The following FANCA variants were observed in gnomAD, a reference collection of about 807,000 sequenced individuals.
FANCA encodes the protein FA complementation group A.
Under a neutral mutation model 194.3 loss-of-function variants are expected in FANCA, and 236 were observed. That is an observed-to-expected ratio of 1.21 (90% CI 1.09 to 1.35). The LOEUF is 1.35. Ranked by LOEUF, FANCA falls within the 40% of genes most tolerant of loss-of-function variation. FANCA has a pLI of 0.00. For synonymous variants in FANCA, 1,014 were observed against 715.8 expected, an observed-to-expected ratio of 1.42 and a Z score of -6.65; for missense variants, 2,628 against 1,813.9, an observed-to-expected ratio of 1.45 and a Z score of -8.15.
At chr16:89,785,908 G>A (rs1405614126) in intron 14 of FANCA, among the ~76,000 whole-genome samples, 1 of 146,606 alleles carries the variant, frequency 6.8e-6, no homozygotes, top group Non-Finnish European at 1.5e-5. Context: ...AGGCTGGAGT[G>A]CAGTGGTGCC....
At chr16:89,763,177 G>A (rs1163863259) in intron 28 of FANCA, among the ~76,000 whole-genome samples, 1 of 151,938 alleles carries the variant, frequency 6.6e-6, no homozygotes, top group East Asian at 1.9e-4. Context: ...AACCCAGAAG[G>A]CTGAGGTTGC....
chr16:89,796,978 G>A (rs1277677234), intron 10 of FANCA, among the ~76,000 whole-genome samples: 1 of 151,170 alleles, frequency 6.6e-6, no homozygotes. Flanking sequence ...CCAACCCAAC[G>A]AAACCCCATC....
intron 6 of FANCA, 152 bp from the exon 7 acceptor site, chr16:89,805,544 G>T (rs1598177755): frequency 1.5e-6 from 1 of 651,222 alleles, no homozygotes; most frequent in Non-Finnish European, 2.9e-6. Context: ...CTGCACCCTC[G>T]ACCTCCCAGG....
chr16:89,807,616 G>A (rs940057057), intron 6 of FANCA, among the ~76,000 whole-genome samples: 2 of 152,166 alleles, frequency 1.3e-5, no homozygotes, highest in African/African-American at 2.4e-5. Flanking sequence ...CAGGCACAGT[G>A]GTTCATGCCT....
At chr16:89,814,399 A>C in intron 3 of FANCA, 121 bp downstream of exon 3, 2 of 706,350 alleles carry the variant, frequency 2.8e-6, no homozygotes, top group Non-Finnish European at 4.7e-6. Context: ...TTGCGACTAC[A>C]CACACCAGTG....
chr16:89,765,517 G>A (rs989582497), intron 27 of FANCA, among the ~76,000 whole-genome samples: 1 of 152,264 alleles, frequency 6.6e-6, no homozygotes, highest in African/African-American at 2.4e-5. Context: ...TAAATGTCTG[G>A]AAGCAGAATT....
rs2062057880 is a variant in FANCA at position 89,739,244 on chromosome 16, G to A, written c.4056C>T (p.Ala1352=). 1.2e-6 allele frequency: 2 copies of A among 1,614,174 alleles called. No homozygotes were observed. Among genetic ancestry groups the A allele is most frequent in the Non-Finnish European group, 8.5e-7 (1 of 1,180,050 alleles). ...ACATGTCCACAGCAACATGCAGGAA[G>A]GCCTCTTCCCTGATGGCCGCGTCTT... The part of the protein sequence containing the change: ...FHEDAAIREE[A]FLHVAVDMYL... The change falls in exon 41 of 43, where the codon GCC becomes GCT. Residue 1352 remains alanine, a synonymous_variant. Transcript: ENST00000389301.
At chr16:89,742,993 A>G in intron 36 of FANCA, 55 bp from the exon 37 acceptor site, 1 of 1,588,152 alleles carries the variant, frequency 6.3e-7, no homozygotes, top group South Asian at 1.1e-5. Flanking sequence ...CAACCACGCC[A>G]TAGAAACCAA....
intron 11 of FANCA, 135 bp from the exon 12 acceptor site, chr16:89,792,682 A>G: frequency 1.4e-6 from 1 of 727,016 alleles, no homozygotes; most frequent in Non-Finnish European, 2.4e-6. Context: ...AGAAAGATAC[A>G]AGACAAAGAG....
chr16:89,792,555 G>T lies in FANCA; in HGVS notation c.1007-8C>A. 6.2e-7 allele frequency: 1 copy of T among 1,612,392 alleles called. No individual in the cohort carries two copies. Among genetic ancestry groups the T allele is most frequent in the Non-Finnish European group, 8.5e-7 (1 of 1,179,730 alleles). ...TCTGAACAGCATCAGATGCTGCAGGGGGAGAAACAGACAAAAACTTCAAGT... is the reference window on the plus strand; with the variant it reads ...TCTGAACAGCATCAGATGCTGCAGGTGGAGAAACAGACAAAAACTTCAAGT... On this transcript the variant is annotated splice_region_variant and splice_polypyrimidine_tract_variant and intron_variant, in intron 11 of 42. Coordinates refer to ENST00000389301, the MANE Select transcript of FANCA (RefSeq NM_000135.4).
At chr16:89,743,125 C>A (rs1360948332) in intron 36 of FANCA, among the ~76,000 whole-genome samples, 187 bp from the exon 37 acceptor site, 1 of 152,202 alleles carries the variant, frequency 6.6e-6, no homozygotes, top group African/African-American at 2.4e-5. Flanking sequence ...TGGGCAGGTG[C>A]TGGTGCTGCC....
chr16:89,761,658 T>C (rs1276215566), intron 29 of FANCA, among the ~76,000 whole-genome samples: 1 of 152,158 alleles, frequency 6.6e-6, no homozygotes, highest in African/African-American at 2.4e-5. Context: ...AGGGTCTCAC[T>C]CCGTTGCACA....
chr16:89,790,502 G>C (rs975399695), intron 14 of FANCA, among the ~76,000 whole-genome samples: 2 of 148,926 alleles, frequency 1.3e-5, no homozygotes, highest in South Asian at 2.1e-4. Context: ...AGGACAAGAC[G>C]GGCGGATCAT....
At chr16:89,810,184 G>A (rs1052788224) in intron 5 of FANCA, among the ~76,000 whole-genome samples, 17 of 149,450 alleles carry the variant, frequency 1.1e-4, no homozygotes, top group Admixed American at 2.0e-4. Context: ...TTAGCTGGGC[G>A]TGGTGGCAGT....
chr16:89,791,569 G>T (rs541396583), intron 13 of FANCA, 33 bp from the exon 14 acceptor site: 4 of 1,612,900 alleles, frequency 2.5e-6, no homozygotes, highest in South Asian at 1.1e-5. Context: ...TCACAGCAAG[G>T]CAAGGGCAGC....
intron 17 of FANCA, among the ~76,000 whole-genome samples, chr16:89,780,197 G>A (rs961880680): frequency 5.3e-5 from 8 of 152,272 alleles, no homozygotes; most frequent in African/African-American, 1.9e-4. Context: ...CAGACCCCGT[G>A]ATGTGCGGCC....
Position 89,771,787 on chromosome 16 carries a change from G to T in FANCA, c.2042C>A (p.Ser681Tyr). ...GCCCAGGACAGCCCTCAGTCTTTCA[G>T]AAATCACTGCCACCTGTGCCGATAT... The part of the protein sequence containing the change: ...DVISAQVAVI[S>Y]ERLRAVLGHN... Residue 681 changes from serine (S) to tyrosine (Y), a missense_variant, in exon 23 of 43, where the codon TCT (serine) becomes TAT (tyrosine). Physicochemically the swap from Ser to Tyr is moderately radical, Grantham distance 144. Transcript: ENST00000389301. The T allele has an allele frequency of 1.2e-6, 2 of 1,614,036 alleles. No homozygotes were observed. The highest frequency in any genetic ancestry group is 4.5e-5 in the East Asian group (2 of 44,888).
At chr16:89,807,864 C>T (rs541619425) in intron 6 of FANCA, among the ~76,000 whole-genome samples, 1 of 151,970 alleles carries the variant, frequency 6.6e-6, no homozygotes, top group Non-Finnish European at 1.5e-5. Flanking sequence ...GCCTGGGTGA[C>T]AGAACGAGAC....
chr16:89,767,036 C>CA, intron 27 of FANCA, 105 bp downstream of exon 27: 1 of 936,370 alleles, frequency 1.1e-6, no homozygotes, highest in Non-Finnish European at 1.8e-6. Context: ...GGAGCTGCCC[C>CA]TGAGATGGGC....
Sources: gnomAD v4.1 joint callset for allele counts (sites outside exome capture counted in the v4.1 genomes callset) on GRCh38, gnomAD v4.1.1 for gene constraint, MANE v1.5 for transcripts, NCBI Gene and HGNC (gene_info 2026-07-23, HGNC 2026-07-21) for gene names.